ADAMTSL1: variants seen among roughly 807,000 people sequenced by gnomAD.
ADAMTSL1 encodes ADAMTS like 1.
In ADAMTSL1, 126 loss-of-function variants were observed where a neutral mutation model predicts 201.8. The observed-to-expected ratio is 0.62, with a 90% CI of 0.54 to 0.72. ADAMTSL1 has a LOEUF of 0.72. Among genes scored for constraint, ADAMTSL1 ranks in the 30% least tolerant of loss-of-function variants. The probability of loss-of-function intolerance (pLI) is 0.00; values close to 1 mark genes in which losing one functional copy is unlikely to be tolerated. For missense variants in ADAMTSL1, 2,679 were observed against 2,277.8 expected, an observed-to-expected ratio of 1.18 and a Z score of -3.59; for synonymous variants, 1,121 against 903.4, an observed-to-expected ratio of 1.24 and a Z score of -4.32.
intron 15 of ADAMTSL1, among the ~76,000 whole-genome samples, chr9:18,725,843 A>G (rs1587992655): frequency 6.6e-6 from 1 of 152,360 alleles, no homozygotes; most frequent in Admixed American, 6.5e-5. Flanking sequence ...ATACAAATAG[A>G]TAAAGCTTTT....
intron 2 of ADAMTSL1, among the ~76,000 whole-genome samples, chr9:18,189,005 C>T (rs2132222918): frequency 6.6e-6 from 1 of 152,286 alleles, no homozygotes; most frequent in African/African-American, 2.4e-5. Flanking sequence ...TATCGCTGTA[C>T]AGGTTCCCAA....
At chr9:18,671,383 A>C (rs1014643410) in intron 9 of ADAMTSL1, among the ~76,000 whole-genome samples, 5 of 152,200 alleles carry the variant, frequency 3.3e-5, no homozygotes, top group African/African-American at 1.2e-4. Context: ...GCAGCAGAGT[A>C]GGCTGGATTG....
chr9:18,887,988 C>A lies in ADAMTSL1; in HGVS notation c.4407C>A (p.Cys1469Ter). Reference protein sequence around the residue: ...LSGGSQGEFSCLAQNEAGVLM... With the variant: ...LSGGSQGEFS ...GTGGGTCTCAAGGGGAATTCAGCTGCCTTGCTCAGAATGAGGCAGGGGTGC... is the reference window on the plus strand; with the variant it reads ...GTGGGTCTCAAGGGGAATTCAGCTGACTTGCTCAGAATGAGGCAGGGGTGC... The change falls in exon 24 of 29, where the codon TGC becomes TGA. Residue 1469 changes from cysteine (C) to a stop codon, truncating the protein, a stop_gained. Coordinates refer to ENST00000380548, the MANE Select transcript of ADAMTSL1 (RefSeq NM_001040272.6). LOFTEE classifies it high-confidence loss of function. The A allele has an allele frequency of 3.1e-6, 5 of 1,613,910 alleles. No individual in the cohort carries two copies. Among genetic ancestry groups the A allele is most frequent in the Non-Finnish European group, 4.2e-6 (5 of 1,179,876 alleles).
At chr9:18,133,243 C>T (rs200353118) in intron 1 of ADAMTSL1, among the ~76,000 whole-genome samples, 115 of 152,144 alleles carry the variant, frequency 7.6e-4, no homozygotes, top group African/African-American at 2.7e-3. Flanking sequence ...CCTGAGGGCT[C>T]CAGTTAGGCT....
chr9:18,309,147 T>TA (rs139134314), intron 2 of ADAMTSL1, among the ~76,000 whole-genome samples: 14,653 of 152,200 alleles, frequency 0.096, 878 homozygotes, highest in African/African-American at 0.18. Context: ...CTATTCATGC[T>TA]AAAAACTGTC....
chr9:18,865,236 T>C (rs12006186), intron 23 of ADAMTSL1, among the ~76,000 whole-genome samples: 2,875 of 151,282 alleles, frequency 0.019, 92 homozygotes, highest in African/African-American at 0.063. Flanking sequence ...TTCCCCTTCC[T>C]GTGTCCAAGT....
chr9:18,196,287 A>G (rs1829176337), intron 2 of ADAMTSL1, among the ~76,000 whole-genome samples: 1 of 151,964 alleles, frequency 6.6e-6, no homozygotes, highest in African/African-American at 2.4e-5. Flanking sequence ...ACATGAGTTT[A>G]TTTGCATTTT....
chr9:18,302,736 T>G (rs1833756088), intron 2 of ADAMTSL1, among the ~76,000 whole-genome samples: 1 of 152,350 alleles, frequency 6.6e-6, no homozygotes, highest in East Asian at 1.9e-4. Flanking sequence ...TTCTTACTAA[T>G]GCTTAATGGT....
At chr9:17,927,226 A>C (rs1826575255) in intron 1 of ADAMTSL1, among the ~76,000 whole-genome samples, 1 of 152,186 alleles carries the variant, frequency 6.6e-6, no homozygotes, top group African/African-American at 2.4e-5. Flanking sequence ...ATATCGTAGC[A>C]TATATCAGAA....
At chr9:18,826,142 A>T in intron 21 of ADAMTSL1, 142 bp from the exon 22 acceptor site, 1 of 952,074 alleles carries the variant, frequency 1.1e-6, no homozygotes, top group Non-Finnish European at 1.6e-6. Flanking sequence ...GACATTATTT[A>T]ATCTGGCCAA....
At chr9:17,979,921 A>T (rs1393939441) in intron 1 of ADAMTSL1, among the ~76,000 whole-genome samples, 1 of 152,086 alleles carries the variant, frequency 6.6e-6, no homozygotes, top group Non-Finnish European at 1.5e-5. Flanking sequence ...GCTTGGGTCC[A>T]GAAGGACAGG....
intron 2 of ADAMTSL1, among the ~76,000 whole-genome samples, chr9:18,180,341 G>C (rs1177864424): frequency 3.3e-5 from 5 of 151,924 alleles, no homozygotes; most frequent in Non-Finnish European, 2.9e-5. Flanking sequence ...AGACCATCCC[G>C]GCTAAAACGG....
At chr9:18,855,547 A>T (rs1826788837) in intron 23 of ADAMTSL1, among the ~76,000 whole-genome samples, 1 of 152,240 alleles carries the variant, frequency 6.6e-6, no homozygotes, top group South Asian at 2.1e-4. Flanking sequence ...TTCTAGAAAC[A>T]TAACCTAGTA....
chr9:18,804,359 C>T (rs1281006142), intron 20 of ADAMTSL1, among the ~76,000 whole-genome samples: 1 of 152,122 alleles, frequency 6.6e-6, no homozygotes, highest in Non-Finnish European at 1.5e-5. Context: ...ATAGAGCTGA[C>T]TATTGGTCAA....
chr9:18,393,587 T>C (rs1163426477), intron 2 of ADAMTSL1, among the ~76,000 whole-genome samples: 1 of 152,196 alleles, frequency 6.6e-6, no homozygotes, highest in Non-Finnish European at 1.5e-5. Flanking sequence ...TGAGGTTGGC[T>C]CCCAACATCC....
chr9:18,124,358 G>C lies in ADAMTSL1; in HGVS notation c.88-39504G>C, dbSNP rs561493799. ...AGCCTCCCAAAGTGCTAGGATTACA[G>C]GTGTGCGCCACCACACCCGACAGCC... On this transcript the variant is annotated intron_variant, in intron 1 of 29. Coordinates refer to the ADAMTSL1 transcript ENST00000680146. 3.9e-5 allele frequency among the ~76,000 whole-genome samples: 6 copies of C among 152,196 alleles called. No homozygotes were observed. In the South Asian group the frequency reaches 1.0e-3, roughly 26 times the overall value.
chr9:18,394,869 AT>A (rs1442662125), intron 2 of ADAMTSL1, among the ~76,000 whole-genome samples: 1 of 152,226 alleles, frequency 6.6e-6, no homozygotes, highest in Non-Finnish European at 1.5e-5. Context: ...AAAACTTCCC[AT>A]TATGTTAAGT....
At chr9:17,914,206 G>C (rs1239311127) in intron 1 of ADAMTSL1, among the ~76,000 whole-genome samples, 1 of 152,134 alleles carries the variant, frequency 6.6e-6, no homozygotes, top group East Asian at 1.9e-4. Context: ...AAGCCTGGCG[G>C]AGACACAACC....
chr9:18,652,813 C>T (rs745826115), intron 7 of ADAMTSL1, among the ~76,000 whole-genome samples: 34 of 152,132 alleles, frequency 2.2e-4, no homozygotes, highest in Middle Eastern at 3.2e-3. Flanking sequence ...TTCCTTTATC[C>T]GCTGGAGGCT....
Sources: gnomAD v4.1 joint callset for allele counts (sites outside exome capture counted in the v4.1 genomes callset) on GRCh38, gnomAD v4.1.1 for gene constraint, MANE v1.5 for transcripts, NCBI Gene and HGNC (gene_info 2026-07-23, HGNC 2026-07-21) for gene names.